Variants in NEK1 observed in about 807,000 individuals in gnomAD.
The protein encoded by NEK1 is NIMA related kinase 1, also known as serine/threonine-protein kinase Nek1.
In NEK1, 137 loss-of-function variants were observed where a neutral mutation model predicts 182.1. The observed-to-expected ratio is 0.75, with a 90% confidence interval of 0.65 to 0.87. NEK1 has a LOEUF of 0.87. Among genes scored for constraint, NEK1 ranks in the 40% least tolerant of loss-of-function variants. NEK1 has a pLI of 0.00. For missense variants in NEK1, 1,391 were observed against 1,494.4 expected (o/e 0.93, Z 1.14); for synonymous variants, 513 against 492.2 (o/e 1.04, Z -0.56).
At chr4:169,548,321 T>C (rs1760867013) in intron 18 of NEK1, among the ~76,000 whole-genome samples, 1 of 152,258 alleles carries the variant, frequency 6.6e-6, no homozygotes, top group South Asian at 2.1e-4. Context: ...GATTGCTGCC[T>C]GTTCCTTCCT....
At chr4:169,509,381 T>G (rs1753828265) in intron 19 of NEK1, among the ~76,000 whole-genome samples, 1 of 152,122 alleles carries the variant, frequency 6.6e-6, no homozygotes. Flanking sequence ...AAAAATGGAC[T>G]CATTTTTGAA....
In NEK1 at chr4:169,477,491, T is replaced by C. The variant is rs555136488; in HGVS notation, c.2146A>G (p.Ser716Gly). The C allele has an allele frequency of 1.9e-6, 3 of 1,603,610 alleles. No individual in the cohort carries two copies. Among genetic ancestry groups the C allele is most frequent in the Admixed American group, 3.4e-5 (2 of 59,596 alleles). The part of the protein sequence containing the change: ...SALKEVGVDS[S>G]LTDTRETSEE... Reference sequence around the variant, plus strand: ...GAAGTTTCCCGGGTATCAGTTAAACTACTGTCCTTTAAATGCAGATAGATA... The same window carrying C: ...GAAGTTTCCCGGGTATCAGTTAAACCACTGTCCTTTAAATGCAGATAGATA... Residue 716 changes from serine (S) to glycine (G), a missense_variant, in exon 25 of 36, where the codon AGT becomes GGT. Physicochemically the swap from Ser to Gly is moderately conservative, Grantham distance 56. Transcript: ENST00000507142.
At chr4:169,580,494 CAAAAAAAAAAAAAA>C (rs11348370) in intron 11 of NEK1, among the ~76,000 whole-genome samples, 2 of 65,844 alleles carry the variant, frequency 3.0e-5, no homozygotes, top group African/African-American at 1.1e-4. Flanking sequence ...AACTTCATCT[CAAAAAAAAAAAAAA>C]AAAAAAAAGA....
chr4:169,506,569 A>G (rs1442441588), intron 23 of NEK1: 2 of 152,394 alleles, frequency 1.3e-5, no homozygotes, highest in African/African-American at 4.8e-5. Context: ...CCTGGCCAAC[A>G]TGGTGAAACC....
At chr4:169,577,377 C>T (rs1765864898) in intron 11 of NEK1, among the ~76,000 whole-genome samples, 1 of 151,304 alleles carries the variant, frequency 6.6e-6, no homozygotes, top group African/African-American at 2.4e-5. Context: ...GGTGAATATA[C>T]TAAAAATAAT....
chr4:169,485,042 A>G (rs138292589), intron 23 of NEK1, among the ~76,000 whole-genome samples: 280 of 152,360 alleles, frequency 1.8e-3, no homozygotes, highest in African/African-American at 6.6e-3. Context: ...TTTAGAATGC[A>G]GACTAAAAAC....
intron 18 of NEK1, chr4:169,554,542 A>C (rs1370300995): frequency 6.6e-6 from 1 of 152,064 alleles, no homozygotes; most frequent in Non-Finnish European, 1.5e-5. Context: ...AATGCATATT[A>C]GTAAGTGAGA....
intron 23 of NEK1, among the ~76,000 whole-genome samples, chr4:169,500,344 T>C (rs918034904): frequency 1.3e-5 from 2 of 152,214 alleles, no homozygotes; most frequent in Admixed American, 1.3e-4. Context: ...CCTCTTGCAC[T>C]TCTCGGGTAA....
At chr4:169,445,865 T>TATAC (rs569539235) in intron 27 of NEK1, among the ~76,000 whole-genome samples, 14,056 of 142,960 alleles carry the variant, frequency 0.098, 832 homozygotes, top group Non-Finnish European at 0.14. Flanking sequence ...TATATATATA[T>TATAC]ACACACACAC....
chr4:169,530,677 C>T lies in NEK1; in HGVS notation c.1665+7132G>A, dbSNP rs543325615. Among the ~76,000 whole-genome samples, 23 of 151,402 alleles carry T rather than the reference C, an allele frequency of 1.5e-4. No individual in the cohort carries two copies. The East Asian group carries it at 4.5e-3, about 29-fold the overall frequency. On this transcript the variant is annotated intron_variant, in intron 19 of 35. Transcript: ENST00000507142. ...ACATACATACAATTTACAAGACACT[C>T]TGGAAAATATAAAATGGTTGCCAAG...
At chr4:169,605,224 A>T (rs1249671568) in intron 2 of NEK1, among the ~76,000 whole-genome samples, 2 of 152,188 alleles carry the variant, frequency 1.3e-5, no homozygotes, top group Non-Finnish European at 2.9e-5. Flanking sequence ...GGACCACACT[A>T]ATAAGACAGA....
chr4:169,539,925 T>C (rs977909391), intron 18 of NEK1, among the ~76,000 whole-genome samples: 14 of 152,306 alleles, frequency 9.2e-5, no homozygotes, highest in African/African-American at 2.4e-4. Context: ...GAACTTACAA[T>C]TGGCATAGGT....
At chr4:169,424,484 T>C in intron 31 of NEK1, 69 bp downstream of exon 31, 4 of 1,468,784 alleles carry the variant, frequency 2.7e-6, no homozygotes, top group Non-Finnish European at 3.6e-6. Context: ...AATATTATGG[T>C]TTATAAAAGA....
At chr4:169,513,763 T>A (rs918133231) in intron 19 of NEK1, among the ~76,000 whole-genome samples, 3 of 152,138 alleles carry the variant, frequency 2.0e-5, no homozygotes, top group Non-Finnish European at 4.4e-5. Context: ...ACAGTTATTA[T>A]TTTTTTAAAT....
At chr4:169,468,823 G>A (rs887861398) in intron 26 of NEK1, among the ~76,000 whole-genome samples, 24 of 151,990 alleles carry the variant, frequency 1.6e-4, no homozygotes, top group Admixed American at 5.9e-4. Context: ...TCAGGGATTC[G>A]ACTTCTTCCT....
intron 18 of NEK1, among the ~76,000 whole-genome samples, chr4:169,541,904 C>T (rs17055003): frequency 0.041 from 6,243 of 152,194 alleles, 169 homozygotes; most frequent in African/African-American, 0.063. Context: ...TCATATCTGA[C>T]CGAAATGTGT....
intron 32 of NEK1, among the ~76,000 whole-genome samples, chr4:169,405,843 C>T (rs113377176): frequency 0.028 from 4,324 of 152,228 alleles, 84 homozygotes; most frequent in Non-Finnish European, 0.045. Flanking sequence ...GTAGCTCATG[C>T]CCGTAATCCT....
chr4:169,532,458 A>G (rs1757819572), intron 19 of NEK1, among the ~76,000 whole-genome samples: 1 of 152,190 alleles, frequency 6.6e-6, no homozygotes, highest in Non-Finnish European at 1.5e-5. Context: ...GCGGTAATGT[A>G]AACTATGGAC....
chr4:169,564,642 A>T (rs1763407855), intron 12 of NEK1, among the ~76,000 whole-genome samples: 1 of 152,174 alleles, frequency 6.6e-6, no homozygotes, highest in African/African-American at 2.4e-5. Context: ...CACTGAAAAC[A>T]ATTCAAGAGG....
Sources: gnomAD v4.1 joint callset for allele counts (sites outside exome capture counted in the v4.1 genomes callset) on GRCh38, gnomAD v4.1.1 for gene constraint, MANE v1.5 for transcripts, NCBI Gene and HGNC (gene_info 2026-07-23, HGNC 2026-07-21) for gene names.